The following GLO1 variants were observed in gnomAD, a reference collection of about 807,000 sequenced individuals.
The protein encoded by GLO1 is glyoxalase I, also known as lactoylglutathione lyase.
A neutral mutation model predicts 26.0 loss-of-function variants in GLO1; 28 were observed. The ratio of observed to expected loss-of-function variants is 1.08; its 90% CI spans 0.80 to 1.48. The LOEUF (loss-of-function observed/expected upper bound fraction) is 1.48. Among genes scored for constraint, GLO1 ranks in the 40% most tolerant of loss-of-function variants. The pLI is 0.00. For synonymous variants in GLO1, 78 were observed against 77.6 expected, an observed-to-expected ratio of 1.00 and a Z score of -0.03; for missense variants, 225 against 224.8, an observed-to-expected ratio of 1.00 and a Z score of -0.01.
At chr6:38,684,656 G>T in intron 2 of GLO1, 142 bp from the exon 3 acceptor site, 1 of 390,604 alleles carries the variant, frequency 2.6e-6, no homozygotes, top group Non-Finnish European at 4.3e-6. Flanking sequence ...TAAGCAGGAG[G>T]AAAAATCAGT....
chr6:38,678,380 G>GGA (rs1761302543), intron 5 of GLO1, among the ~76,000 whole-genome samples: 1 of 62,978 alleles, frequency 1.6e-5, no homozygotes, highest in Non-Finnish European at 3.6e-5. Flanking sequence ...GAGGGAGAGA[G>GGA]AGGAAGGAAG....
intron 1 of GLO1, among the ~76,000 whole-genome samples, chr6:38,692,527 A>G (rs1006410447): frequency 3.3e-5 from 5 of 151,970 alleles, no homozygotes; most frequent in Non-Finnish European, 7.4e-5. Flanking sequence ...TATGTCTCTT[A>G]TTTCCTTTTC....
chr6:38,680,516 C>A (rs936672270), intron 5 of GLO1, among the ~76,000 whole-genome samples: 1 of 152,116 alleles, frequency 6.6e-6, no homozygotes, highest in Non-Finnish European at 1.5e-5. Context: ...AGCGAAACTC[C>A]GTCTCAAAAA....
Position 38,690,402 on chromosome 6 carries a change from A to ACAGG in GLO1, c.85-3432_85-3429dup, listed in dbSNP as rs547547107. Among the ~76,000 whole-genome samples the ACAGG allele has an allele frequency of 1.6e-4, 24 of 152,352 alleles. No homozygotes were observed. In the East Asian group the frequency reaches 4.4e-3, roughly 28 times the overall value. On this transcript the variant is annotated intron_variant, in intron 1 of 5. Transcript: ENST00000373365. ...CAAAGGAATAGTTAGATAGTATGACACAGGCATAAAAGAATATTATGAAAA... is the reference window on the plus strand; with the variant it reads ...CAAAGGAATAGTTAGATAGTATGACACAGGCAGGCATAAAAGAATATTATGAAAA...
chr6:38,680,575 A>G (rs1379488371), intron 5 of GLO1, among the ~76,000 whole-genome samples: 1 of 152,190 alleles, frequency 6.6e-6, no homozygotes, highest in East Asian at 1.9e-4. Flanking sequence ...GTATTTAAAT[A>G]AAAGAACAGA....
chr6:38,682,979 T>G, intron 3 of GLO1, 104 bp from the exon 4 acceptor site: 1 of 730,498 alleles, frequency 1.4e-6, no homozygotes. Context: ...CTACTTTACA[T>G]AATTGGCCTA....
At chr6:38,683,372 C>T (rs1231920238) in intron 3 of GLO1, among the ~76,000 whole-genome samples, 3 of 152,128 alleles carry the variant, frequency 2.0e-5, no homozygotes, top group African/African-American at 7.2e-5. Context: ...TTTTTAAGTG[C>T]TCAAGTTATA....
chr6:38,684,771 T>C (rs946614581), intron 2 of GLO1, among the ~76,000 whole-genome samples: 3 of 152,222 alleles, frequency 2.0e-5, no homozygotes, highest in Non-Finnish European at 4.4e-5. Context: ...GCTGAAATTA[T>C]GGTACTTGTT....
chr6:38,680,765 C>G lies in GLO1; in HGVS notation c.466+1247G>C, dbSNP rs1359190791. Among the ~76,000 whole-genome samples, 5 of 151,940 alleles carry G rather than the reference C, an allele frequency of 3.3e-5. No homozygotes were observed. In the South Asian group the frequency reaches 8.3e-4, roughly 25 times the overall value. ...AATTAGCTGGGTGTGGTGGCATGTG[C>G]CTGTGGTCCTAGCTACTTAGGAGGA... On this transcript the variant is annotated intron_variant, in intron 5 of 5. Transcript: ENST00000373365.
chr6:38,684,945 C>T (rs2127546646), intron 2 of GLO1, among the ~76,000 whole-genome samples: 1 of 152,188 alleles, frequency 6.6e-6, no homozygotes, highest in African/African-American at 2.4e-5. Flanking sequence ...TATGCCAAAA[C>T]ATCTAGGAAA....
chr6:38,686,513 G>A (rs547733413), intron 2 of GLO1, among the ~76,000 whole-genome samples: 1 of 152,350 alleles, frequency 6.6e-6, no homozygotes, highest in Non-Finnish European at 1.5e-5. Context: ...CAGATGGTCA[G>A]TTTTAAGTAA....
chr6:38,701,606 A>G (rs922093915), intron 1 of GLO1, among the ~76,000 whole-genome samples: 7 of 152,192 alleles, frequency 4.6e-5, no homozygotes, highest in African/African-American at 1.7e-4. Context: ...ATTAATATTA[A>G]GGGATATACA....
intron 2 of GLO1, among the ~76,000 whole-genome samples, chr6:38,685,396 A>C (rs887093453): frequency 1.3e-5 from 2 of 152,182 alleles, no homozygotes; most frequent in Admixed American, 6.5e-5. Flanking sequence ...ATGACTTTAA[A>C]TGGTATAGGA....
At chr6:38,700,383 T>C (rs1213493547) in intron 1 of GLO1, among the ~76,000 whole-genome samples, 2 of 152,244 alleles carry the variant, frequency 1.3e-5, no homozygotes, top group African/African-American at 2.4e-5. Flanking sequence ...TCACTCTTCA[T>C]AGTTTAGAGA....
At chr6:38,693,685 C>CTCTCTCTCTCTCTATATATA (rs869232489) in intron 1 of GLO1, among the ~76,000 whole-genome samples, 246 of 86,278 alleles carry the variant, frequency 2.9e-3, no homozygotes, top group Non-Finnish European at 4.4e-3. Flanking sequence ...CTCTCTCTCT[C>CTCTCTCTCTCTCTATATATA]TATATATATA....
intron 1 of GLO1, among the ~76,000 whole-genome samples, chr6:38,700,866 A>G (rs1582783941): frequency 6.8e-6 from 1 of 146,036 alleles, no homozygotes; most frequent in African/African-American, 2.6e-5. Flanking sequence ...TGCAACCTCC[A>G]CCTCATGGGT....
At chr6:38,702,841 C>T (rs1761724907) in intron 1 of GLO1, 130 bp downstream of exon 1, 2 of 607,198 alleles carry the variant, frequency 3.3e-6, no homozygotes, top group South Asian at 1.9e-5. Flanking sequence ...CATTATCCCT[C>T]TTCCCATCAC....
chr6:38,700,020 C>T (rs1248768140), intron 1 of GLO1, among the ~76,000 whole-genome samples: 1 of 152,164 alleles, frequency 6.6e-6, no homozygotes, highest in Admixed American at 6.5e-5. Flanking sequence ...TACACCCCCT[C>T]CCCTTTTGAA....
At chr6:38,691,937 T>C (rs751801655) in intron 1 of GLO1, among the ~76,000 whole-genome samples, 4 of 152,214 alleles carry the variant, frequency 2.6e-5, no homozygotes, top group Admixed American at 6.5e-5. Context: ...TTCAATGTTC[T>C]ATCTCTCTGC....
Sources: allele counts gnomAD v4.1 joint callset (sites outside exome capture counted in the v4.1 genomes callset), GRCh38; gene constraint gnomAD v4.1.1; transcripts MANE v1.5; gene names NCBI Gene and HGNC (gene_info 2026-07-23, HGNC 2026-07-21).